The following IFIH1 variants were observed in gnomAD, a reference collection of about 807,000 sequenced individuals.
The protein encoded by IFIH1 is interferon-induced helicase C domain-containing protein 1.
In IFIH1, 125 loss-of-function variants were observed where a neutral mutation model predicts 107.4. That is an observed-to-expected ratio of 1.16 (90% CI 1.01 to 1.35). The LOEUF is 1.35. IFIH1 is among the 40% of genes most tolerant of loss of function. The pLI, the probability that IFIH1 is intolerant of heterozygous loss-of-function variation, is 0.00. For synonymous variants in IFIH1, 458 were observed against 413.2 expected (o/e 1.11, Z -1.31); for missense variants, 1,333 against 1,213.7 (o/e 1.10, Z -1.46).
At position 162,276,776 on chromosome 2, in the gene IFIH1, T is replaced by A; in HGVS notation, c.2215A>T (p.Thr739Ser). 1 of 1,614,052 alleles carries A rather than the reference T, an allele frequency of 6.2e-7. No homozygotes were observed. The highest frequency in any genetic ancestry group is 1.1e-5 in the South Asian group (1 of 91,090). ...ACTTCAGCAAATTTTTCATTTTCAG[T>A]AATCCACTGGGAAAGCGCATATGCA... ...QSAYALSQWI[T>S]ENEKFAEVGV... Residue 739 changes from threonine to serine, a missense_variant, in exon 11 of 16, where the codon ACT becomes TCT. Physicochemically the swap from Thr to Ser is moderately conservative, Grantham distance 58. Transcript: ENST00000649979.
intron 13 of IFIH1, 43 bp from the exon 14 acceptor site, chr2:162,268,320 C>CT: frequency 7.4e-7 from 1 of 1,356,922 alleles, no homozygotes; most frequent in Non-Finnish European, 1.0e-6. Context: ...GGTTTGTTTT[C>CT]TTTTTTCAGT....
chr2:162,318,201 G>A lies in IFIH1; in HGVS notation c.107C>T (p.Thr36Ile). 1 of 1,614,198 alleles carries A rather than the reference G, an allele frequency of 6.2e-7. No individual in the cohort carries two copies. Among genetic ancestry groups the A allele is most frequent in the Non-Finnish European group, 8.5e-7 (1 of 1,180,024 alleles). ...CTCCTTCACCTCTGCAGGCAGAAAG[G>A]TCAGGTAGTCCAGCACAGGCTCCAC... ...IQVEPVLDYL[T>I]FLPAEVKEQI... is the part of the protein sequence containing the mutation. The change falls in exon 1 of 16, where the codon ACC becomes ATC. Residue 36 changes from threonine to isoleucine, a missense_variant. Thr to Ile is a moderately conservative substitution (Grantham distance 89). Transcript: ENST00000649979.
At chr2:162,275,345 A>G (rs930757936) in intron 11 of IFIH1, among the ~76,000 whole-genome samples, 1 of 152,222 alleles carries the variant, frequency 6.6e-6, no homozygotes, top group African/African-American at 2.4e-5. Flanking sequence ...TCACAACGCT[A>G]AAGTTAATAT....
chr2:162,314,470 TTC>T (rs1208594607), intron 1 of IFIH1, among the ~76,000 whole-genome samples: 4 of 131,310 alleles, frequency 3.0e-5, no homozygotes, highest in African/African-American at 3.4e-5. Context: ...CTTTCTTTCT[TTC>T]TTTCTTTCTT....
At chr2:162,283,375 A>G (rs1405033657) in intron 5 of IFIH1, among the ~76,000 whole-genome samples, 1 of 152,008 alleles carries the variant, frequency 6.6e-6, no homozygotes, top group African/African-American at 2.4e-5. Flanking sequence ...CTGATTCTGT[A>G]TGTTATAACA....
intron 4 of IFIH1, among the ~76,000 whole-genome samples, chr2:162,291,901 A>C (rs12476567): frequency 0.13 from 19,181 of 151,834 alleles, 2,816 homozygotes; most frequent in African/African-American, 0.33. Flanking sequence ...GTACTGATCC[A>C]TCTAGAACTT....
rs771166114 is a variant in IFIH1 at position 162,281,475 on chromosome 2, C to T, written c.1377G>A (p.Arg459=). 4.3e-6 allele frequency: 7 copies of T among 1,611,878 alleles called. No homozygotes were observed. The Admixed American group carries it at 1.0e-4, about 23-fold the overall frequency. ...NKEAVYNNIM[R]HYLMQKLKNN... ...TTTTCAACTTCTGCATCAAATAATG[C>T]CTCATGATGTTATTATACACTGCTT... The change falls in exon 7 of 16, where the codon AGG becomes AGA. Residue 459 remains arginine, a synonymous_variant. Transcript: ENST00000649979.
At chr2:162,293,169 G>A (rs894887242) in intron 4 of IFIH1, among the ~76,000 whole-genome samples, 7 of 151,666 alleles carry the variant, frequency 4.6e-5, no homozygotes, top group Non-Finnish European at 7.4e-5. Context: ...TTCTCTTATT[G>A]ATAGTATCAA....
intron 3 of IFIH1, among the ~76,000 whole-genome samples, chr2:162,303,084 C>T (rs149807015): frequency 2.9e-3 from 440 of 152,286 alleles, no homozygotes; most frequent in African/African-American, 0.01. Context: ...CGACACCTCC[C>T]TCAGTGGAAA....
At chr2:162,290,753 A>C (rs1403192705) in intron 4 of IFIH1, among the ~76,000 whole-genome samples, 3 of 151,916 alleles carry the variant, frequency 2.0e-5, no homozygotes, top group Non-Finnish European at 4.4e-5. Context: ...GTTTAAAAAG[A>C]AGCACAGTGT....
At chr2:162,310,447 T>A in intron 2 of IFIH1, 1 of 429,300 alleles carries the variant, frequency 2.3e-6, no homozygotes, top group South Asian at 5.6e-5. Context: ...ACCACTAAAA[T>A]ACTTTCTTCC....
chr2:162,291,563 T>C (rs1682997603), intron 4 of IFIH1, among the ~76,000 whole-genome samples: 1 of 151,804 alleles, frequency 6.6e-6, no homozygotes, highest in Non-Finnish European at 1.5e-5. Flanking sequence ...TAATCATGTC[T>C]ACTATGGCAT....
At chr2:162,316,215 A>G (rs1311471110) in intron 1 of IFIH1, among the ~76,000 whole-genome samples, 1 of 152,196 alleles carries the variant, frequency 6.6e-6, no homozygotes, top group African/African-American at 2.4e-5. Context: ...CATCATACCC[A>G]CCAAACATAA....
chr2:162,280,855 C>A (rs573666331), intron 7 of IFIH1, among the ~76,000 whole-genome samples: 2 of 151,996 alleles, frequency 1.3e-5, no homozygotes, highest in Non-Finnish European at 2.9e-5. Context: ...GGGCAGCTGA[C>A]AAGCTCATCT....
intron 11 of IFIH1, among the ~76,000 whole-genome samples, chr2:162,274,319 A>C (rs1003495177): frequency 6.6e-6 from 1 of 152,210 alleles, no homozygotes; most frequent in Non-Finnish European, 1.5e-5. Flanking sequence ...CATTAACTTC[A>C]GAATCTTTGC....
intron 1 of IFIH1, among the ~76,000 whole-genome samples, chr2:162,312,836 T>A (rs1576240052): frequency 6.6e-6 from 1 of 152,322 alleles, no homozygotes; most frequent in East Asian, 1.9e-4. Context: ...CATATTTTAT[T>A]ACCCCATCCT....
At chr2:162,267,700 T>C in intron 14 of IFIH1, 131 bp from the exon 15 acceptor site, 1 of 693,834 alleles carries the variant, frequency 1.4e-6, no homozygotes, top group Non-Finnish European at 2.5e-6. Flanking sequence ...CCTTCCCTCC[T>C]GCTTCCCAGG....
chr2:162,287,050 C>T (rs1200392602), intron 5 of IFIH1, among the ~76,000 whole-genome samples: 3 of 151,764 alleles, frequency 2.0e-5, no homozygotes, highest in African/African-American at 4.8e-5. Flanking sequence ...GCAAGTCTAT[C>T]GGCAAACAAA....
At chr2:162,314,416 T>TTTTCTTTTCTTTC (rs1553461354) in intron 1 of IFIH1, among the ~76,000 whole-genome samples, 12 of 51,468 alleles carry the variant, frequency 2.3e-4, no homozygotes, top group Non-Finnish European at 3.4e-4. Context: ...TCTTTCTTTC[T>TTTTCTTTTCTTTC]TTTCTTTCTT....
Sources: allele counts gnomAD v4.1 joint callset (sites outside exome capture counted in the v4.1 genomes callset), GRCh38; gene constraint gnomAD v4.1.1; transcripts MANE v1.5; gene names NCBI Gene and HGNC (gene_info 2026-07-23, HGNC 2026-07-21).